Variants in DNER observed in about 807,000 individuals in gnomAD.
DNER encodes delta and Notch-like epidermal growth factor-related receptor.
A neutral mutation model predicts 78.2 loss-of-function variants in DNER; 33 were observed. The ratio of observed to expected loss-of-function variants is 0.42; its 90% CI spans 0.32 to 0.56. The LOEUF (loss-of-function observed/expected upper bound fraction) is 0.56, where lower values mean the gene tolerates loss of function less well. DNER is among the 20% of genes least tolerant of loss of function. The pLI is 0.11. For missense variants in DNER, 918 were observed against 975.3 expected (o/e 0.94, Z 0.78); for synonymous variants, 417 against 384.8 (o/e 1.08, Z -0.98).
Position 229,358,380 on chromosome 2 carries a change from TA to T in DNER, c.*159del. ...GGTTTCACAAATTTTGTTTTTAAAA[TA>T]TTTTTTCCAAACTAAAAGCTGCAGA... On this transcript the variant is annotated 3_prime_UTR_variant, in exon 13 of 13. Transcript: ENST00000341772. The T allele has an allele frequency of 1.7e-6, 1 of 604,376 alleles. No homozygotes were observed. The highest frequency in any genetic ancestry group is 2.7e-6 in the Non-Finnish European group (1 of 372,386). The allele number at this position is 604,376 out of a possible 1,614,324, so 37.4% of individuals were successfully genotyped here.
intron 5 of DNER, among the ~76,000 whole-genome samples, chr2:229,539,543 T>C (rs1696472554): frequency 6.6e-6 from 1 of 152,218 alleles, no homozygotes; most frequent in South Asian, 2.1e-4. Context: ...AAATTCACCG[T>C]TTACTTTCCA....
intron 3 of DNER, among the ~76,000 whole-genome samples, chr2:229,586,275 AC>A (rs2154214457): frequency 6.6e-6 from 1 of 152,214 alleles, no homozygotes; most frequent in Admixed American, 6.5e-5. Context: ...AAAAGAGTAC[AC>A]TGAGTTCTCT....
intron 11 of DNER, among the ~76,000 whole-genome samples, chr2:229,373,588 G>T (rs1692534906): frequency 6.6e-6 from 1 of 152,178 alleles, no homozygotes; most frequent in African/African-American, 2.4e-5. Context: ...TACTGGGTAT[G>T]TATCCAAAAG....
chr2:229,452,156 G>A (rs1334982865), intron 7 of DNER, among the ~76,000 whole-genome samples: 2 of 152,148 alleles, frequency 1.3e-5, no homozygotes, highest in Non-Finnish European at 2.9e-5. Context: ...CTAATTATAG[G>A]CAATGTGGAG....
chr2:229,407,429 G>A, intron 9 of DNER, 84 bp from the exon 10 acceptor site: 1 of 1,204,106 alleles, frequency 8.3e-7, no homozygotes, highest in Non-Finnish European at 1.2e-6. Flanking sequence ...GGAACTCTCT[G>A]GAACAATGCG....
At chr2:229,473,704 C>T (rs1361476497) in intron 7 of DNER, among the ~76,000 whole-genome samples, 1 of 152,130 alleles carries the variant, frequency 6.6e-6, no homozygotes, top group African/African-American at 2.4e-5. Flanking sequence ...GAATAAAATA[C>T]ATTCCCTTTC....
chr2:229,536,128 C>T (rs1454720641), intron 5 of DNER, among the ~76,000 whole-genome samples: 2 of 152,052 alleles, frequency 1.3e-5, no homozygotes, highest in African/African-American at 2.4e-5. Context: ...AAAGTTTTTC[C>T]CTCAAAATCT....
intron 12 of DNER, among the ~76,000 whole-genome samples, chr2:229,363,671 GT>G (rs762131417): frequency 4.7e-4 from 71 of 152,216 alleles, no homozygotes; most frequent in Non-Finnish European, 7.5e-4. Context: ...TAAGAGCCAG[GT>G]TTGTAAATGC....
At chr2:229,511,525 G>A (rs1478897404) in intron 6 of DNER, among the ~76,000 whole-genome samples, 4 of 152,172 alleles carry the variant, frequency 2.6e-5, no homozygotes, top group Non-Finnish European at 4.4e-5. Flanking sequence ...TAACACCCAA[G>A]AACACACCAC....
intron 1 of DNER, among the ~76,000 whole-genome samples, chr2:229,666,957 CTG>C (rs1699102508): frequency 6.6e-6 from 1 of 152,218 alleles, no homozygotes; most frequent in Non-Finnish European, 1.5e-5. Context: ...TCCTGTCCCT[CTG>C]CAGATGAAGC....
intron 1 of DNER, among the ~76,000 whole-genome samples, chr2:229,667,636 C>A (rs1699117139): frequency 6.6e-6 from 1 of 152,108 alleles, no homozygotes; most frequent in Admixed American, 6.5e-5. Context: ...TAAATGACAG[C>A]CATTTGGGAG....
intron 5 of DNER, among the ~76,000 whole-genome samples, chr2:229,528,435 G>T (rs1696245112): frequency 6.6e-6 from 1 of 152,136 alleles, no homozygotes; most frequent in Non-Finnish European, 1.5e-5. Flanking sequence ...ACAGATTTGT[G>T]CAGCCTAAGT....
At chr2:229,378,995 C>A (rs539605347) in intron 11 of DNER, among the ~76,000 whole-genome samples, 2 of 152,280 alleles carry the variant, frequency 1.3e-5, no homozygotes, top group South Asian at 2.1e-4. Context: ...AGAGCCTAAT[C>A]TGTAATTAAA....
intron 6 of DNER, among the ~76,000 whole-genome samples, chr2:229,478,241 C>CTTTA (rs3997282): frequency 0.71 from 107,101 of 151,652 alleles, 38,983 homozygotes; most frequent in African/African-American, 0.9. Context: ...TAGTGTAACA[C>CTTTA]TTTATTTCTA....
chr2:229,531,613 A>T (rs1363173301), intron 5 of DNER, among the ~76,000 whole-genome samples: 1 of 152,240 alleles, frequency 6.6e-6, no homozygotes, highest in Non-Finnish European at 1.5e-5. Flanking sequence ...CTCCTCAAAA[A>T]GTAAAACATA....
At chr2:229,491,510 T>G (rs905559737) in intron 6 of DNER, among the ~76,000 whole-genome samples, 1 of 152,216 alleles carries the variant, frequency 6.6e-6, no homozygotes, top group African/African-American at 2.4e-5. Flanking sequence ...ACACAGATCA[T>G]AGCACTTGTG....
chr2:229,595,580 C>T (rs116365609), intron 1 of DNER, among the ~76,000 whole-genome samples: 2,154 of 152,342 alleles, frequency 0.014, 45 homozygotes, highest in Middle Eastern at 0.048. Flanking sequence ...CTGTGCCCAG[C>T]CTGTATTCAC....
At chr2:229,474,286 G>A (rs1694987483) in intron 7 of DNER, among the ~76,000 whole-genome samples, 1 of 152,194 alleles carries the variant, frequency 6.6e-6, no homozygotes, top group African/African-American at 2.4e-5. Context: ...TGTAAGGATA[G>A]GCCAGTGGGA....
At chr2:229,369,306 T>TTA (rs1416329613) in intron 11 of DNER, among the ~76,000 whole-genome samples, 1 of 148,974 alleles carries the variant, frequency 6.7e-6, no homozygotes, top group African/African-American at 2.5e-5. Context: ...TCTAAAAAGT[T>TTA]AAAAAAAAGT....
Sources: gnomAD v4.1 joint callset for allele counts (sites outside exome capture counted in the v4.1 genomes callset) on GRCh38, gnomAD v4.1.1 for gene constraint, MANE v1.5 for transcripts, NCBI Gene and HGNC (gene_info 2026-07-23, HGNC 2026-07-21) for gene names.